Variants in HDAC1 observed in about 807,000 individuals in gnomAD.
HDAC1 encodes histone deacetylase 1, also known as protein deacetylase HDAC1.
HDAC1 carries 18 observed loss-of-function variants against 65.5 expected under a neutral mutation model. The observed-to-expected ratio is 0.27, with a 90% CI of 0.19 to 0.41. HDAC1 has a LOEUF of 0.41. HDAC1 is among the 10% of genes least tolerant of loss of function. HDAC1 has a pLI of 1.00. For synonymous variants in HDAC1, 211 were observed against 227.9 expected, an observed-to-expected ratio of 0.93 and a Z score of 0.67; for missense variants, 373 against 625.2, an observed-to-expected ratio of 0.60 and a Z score of 4.30.
At chr1:32,292,669 G>T (rs1569993993) in intron 1 of HDAC1, among the ~76,000 whole-genome samples, 1 of 152,178 alleles carries the variant, frequency 6.6e-6, no homozygotes. Context: ...GCCTCTGAGC[G>T]GGGCCTGCGG....
intron 2 of HDAC1, among the ~76,000 whole-genome samples, chr1:32,304,307 A>G (rs1640884746): frequency 6.6e-6 from 1 of 152,160 alleles, no homozygotes; most frequent in Non-Finnish European, 1.5e-5. Flanking sequence ...AAAGTAGAGG[A>G]GAAGACAGAC....
In HDAC1 at chr1:32,327,818, G is replaced by A; in HGVS notation, c.636+141G>A. On this transcript the variant is annotated intron_variant, in intron 6 of 13. Transcript: ENST00000373548. The surrounding 1 kb of genome is among the most constrained non-coding windows in gnomAD (Gnocchi z 6.0). Reference sequence around the variant, plus strand: ...CATCCCAATCTGAAGCACTTGCCCTGATCTCTTTCCCTTCCTTATTCTGGA... The same window carrying A: ...CATCCCAATCTGAAGCACTTGCCCTAATCTCTTTCCCTTCCTTATTCTGGA... 2 of 726,960 alleles carry A rather than the reference G, an allele frequency of 2.8e-6. No homozygotes were observed. Among genetic ancestry groups the A allele is most frequent in the South Asian group, 3.0e-5 (2 of 66,960 alleles). The allele number at this position is 726,960 out of a possible 1,614,324, so 45.0% of individuals were successfully genotyped here. A position where few individuals can be genotyped will look rare whatever the true frequency, so the allele number is the denominator to read the frequency against.
chr1:32,302,535 C>A (rs1446275295), intron 1 of HDAC1, 86 bp from the exon 2 acceptor site: 32 of 613,818 alleles, frequency 5.2e-5, no homozygotes, highest in Admixed American at 4.0e-4. Context: ...AAGAATTTGA[C>A]TGGGAGTTCG....
intron 2 of HDAC1, among the ~76,000 whole-genome samples, chr1:32,316,378 T>C (rs186141671): frequency 3.7e-4 from 56 of 152,352 alleles, no homozygotes; most frequent in South Asian, 2.1e-3. Flanking sequence ...GTGTGGTCTA[T>C]GTTGTCCCTG....
At chr1:32,321,774 A>AG (rs1641149586) in intron 3 of HDAC1, among the ~76,000 whole-genome samples, 1 of 151,860 alleles carries the variant, frequency 6.6e-6, no homozygotes, top group African/African-American at 2.4e-5. Flanking sequence ...CTTCCCATGG[A>AG]GGCTCCATAT....
At chr1:32,325,302 C>T (rs567998882) in intron 4 of HDAC1, among the ~76,000 whole-genome samples, 17 of 152,216 alleles carry the variant, frequency 1.1e-4, no homozygotes, top group Non-Finnish European at 2.2e-4. Context: ...ACTCTAAACG[C>T]TTTCTTAACA....
At chr1:32,311,564 T>C in intron 2 of HDAC1, among the ~76,000 whole-genome samples, 1 of 151,394 alleles carries the variant, frequency 6.6e-6, no homozygotes, top group East Asian at 1.9e-4. Context: ...ATAGGAAAAA[T>C]AGGGTAGTAG....
rs749635874 is a variant in HDAC1, at chr1:32,332,723, CAAG to C, written c.1396_1398del (p.Lys466del). 27 of 1,555,566 alleles carry C rather than the reference CAAG, an allele frequency of 1.7e-5. No individual in the cohort carries two copies. The African/African-American group carries it at 3.7e-4, about 21-fold the overall frequency. ...TAGAAGTCACCGAAGAGGAGAAAAC[CAAG>C]GAGGAGAAGCCAGAAGCCAAAGGGT... On this transcript the variant is annotated inframe_deletion, in exon 13 of 14. Coordinates refer to ENST00000373548, the MANE Select transcript of HDAC1 (RefSeq NM_004964.3).
rs1412179366 is a variant in HDAC1, at chr1:32,296,897, C to CACTA, written c.49+4682_49+4685dup. 5.3e-5 allele frequency among the ~76,000 whole-genome samples: 8 copies of CACTA among 152,172 alleles called. No individual in the cohort carries two copies. In the South Asian group the frequency reaches 8.3e-4, roughly 16 times the overall value. ...ATGGAAACCGGAGCCCAGCTAGAGA[C>CACTA]ACTAACCTTCAACAAATTCCTTTGT... On this transcript the variant is annotated intron_variant, in intron 1 of 13. Coordinates refer to ENST00000373548, the MANE Select transcript of HDAC1 (RefSeq NM_004964.3).
At position 32,297,657 on chromosome 1, in the gene HDAC1, C is replaced by T. The variant is rs139098928; in HGVS notation, c.50-4964C>T. ...ACGGAGTCTTGCTCTGTCGCCCAGG[C>T]TGGAGTGCAGTGGCGCCATCTCGGC... is the stretch of plus-strand genomic sequence containing the variant. On this transcript the variant is annotated intron_variant, in intron 1 of 13. Coordinates refer to ENST00000373548, the MANE Select transcript of HDAC1 (RefSeq NM_004964.3). Among the ~76,000 whole-genome samples the T allele has an allele frequency of 4.0e-3, 603 of 152,232 alleles. 3 individuals are homozygous for T. Among genetic ancestry groups the T allele is most frequent in the African/African-American group, 0.014 (568 of 41,550 alleles).
At chr1:32,292,679 G>T (rs547825015) in intron 1 of HDAC1, among the ~76,000 whole-genome samples, 1 of 152,210 alleles carries the variant, frequency 6.6e-6, no homozygotes, top group South Asian at 2.1e-4. Context: ...GGGGCCTGCG[G>T]TTGCTACTGC....
chr1:32,307,116 A>G (rs1220261875), intron 2 of HDAC1, among the ~76,000 whole-genome samples: 1 of 152,132 alleles, frequency 6.6e-6, no homozygotes, highest in Non-Finnish European at 1.5e-5. Flanking sequence ...GTGGTGGTGC[A>G]TACCTGTAGT....
At chr1:32,317,549 T>A (rs1465625384) in intron 3 of HDAC1, among the ~76,000 whole-genome samples, 1 of 152,218 alleles carries the variant, frequency 6.6e-6, no homozygotes, top group South Asian at 2.1e-4. Flanking sequence ...GGCACTTGTT[T>A]GTTGCTGCTG....
At chr1:32,305,548 T>G (rs1440024044) in intron 2 of HDAC1, among the ~76,000 whole-genome samples, 3 of 152,134 alleles carry the variant, frequency 2.0e-5, no homozygotes, top group Non-Finnish European at 4.4e-5. Context: ...TTATTTTAAT[T>G]TATATTCCCC....
chr1:32,330,949 G>GC lies in HDAC1; in HGVS notation c.979+42dup. The GC allele has an allele frequency of 6.2e-7, 1 of 1,608,218 alleles. No homozygotes were observed. The highest frequency in any genetic ancestry group is 8.5e-7 in the Non-Finnish European group (1 of 1,174,942). ...CCAGGTTCGGCTGGGCTGGGTGGGA[G>GC]CTGGAGCTCATCTGTCCTTAAGTTT... On this transcript the variant is annotated intron_variant, in intron 9 of 13. Coordinates refer to ENST00000373548, the MANE Select transcript of HDAC1 (RefSeq NM_004964.3). The surrounding 1 kb of genome is among the most constrained non-coding windows in gnomAD (Gnocchi z 4.2).
intron 3 of HDAC1, among the ~76,000 whole-genome samples, chr1:32,319,811 C>G (rs1025362347): frequency 6.6e-6 from 1 of 151,888 alleles, no homozygotes; most frequent in African/African-American, 2.4e-5. Flanking sequence ...TACTCAGGAG[C>G]CTGAGGCAGG....
chr1:32,321,111 G>A (rs1570029560), intron 3 of HDAC1, among the ~76,000 whole-genome samples: 2 of 145,036 alleles, frequency 1.4e-5, no homozygotes, highest in African/African-American at 2.5e-5. Flanking sequence ...GGTGCCTGTA[G>A]TCCCAGCTAC....
chr1:32,305,433 G>A (rs1640898091), intron 2 of HDAC1, among the ~76,000 whole-genome samples: 1 of 152,126 alleles, frequency 6.6e-6, no homozygotes, highest in Non-Finnish European at 1.5e-5. Context: ...CCAATTGCCA[G>A]CTATGTAGGA....
chr1:32,304,803 A>G (rs1482614402), intron 2 of HDAC1, among the ~76,000 whole-genome samples: 1 of 152,242 alleles, frequency 6.6e-6, no homozygotes, highest in African/African-American at 2.4e-5. Context: ...GCTCAAAGCA[A>G]TCCGCCTGCC....
Sources: gnomAD v4.1 joint callset for allele counts (sites outside exome capture counted in the v4.1 genomes callset) on GRCh38, gnomAD v4.1.1 for gene constraint, Gnocchi (gnomAD v3.1) non-coding constraint, MANE v1.5 for transcripts, NCBI Gene and HGNC (gene_info 2026-07-23, HGNC 2026-07-21) for gene names.